The following MCF2L2 variants were observed in gnomAD, a reference collection of about 807,000 sequenced individuals.
MCF2L2 encodes the protein probable guanine nucleotide exchange factor MCF2L2.
In MCF2L2, 102 loss-of-function variants were observed where a neutral mutation model predicts 150.2. That is an observed-to-expected ratio of 0.68 (90% CI 0.58 to 0.80). The LOEUF is 0.80. MCF2L2 is among the 30% of genes least tolerant of loss of function. The pLI is 0.00. For missense variants in MCF2L2, 1,256 were observed against 1,372.8 expected, an observed-to-expected ratio of 0.91 and a Z score of 1.34; for synonymous variants, 465 against 491.3, an observed-to-expected ratio of 0.95 and a Z score of 0.71.
intron 20 of MCF2L2, among the ~76,000 whole-genome samples, chr3:183,221,559 G>C (rs1187155839): frequency 1.3e-5 from 2 of 152,098 alleles, no homozygotes; most frequent in Non-Finnish European, 2.9e-5. Flanking sequence ...CTATGTAAAT[G>C]TCACCTCTGT....
intron 22 of MCF2L2, among the ~76,000 whole-genome samples, chr3:183,214,198 C>T (rs1328234747): frequency 6.6e-6 from 1 of 152,156 alleles, no homozygotes; most frequent in Non-Finnish European, 1.5e-5. Context: ...ATGTCTAATA[C>T]GTAATTCAAG....
intron 10 of MCF2L2, among the ~76,000 whole-genome samples, chr3:183,304,462 A>ATTTT (rs36115279): frequency 0.014 from 1,592 of 113,978 alleles, 53 homozygotes; most frequent in African/African-American, 0.037. Context: ...CTGGGCAGTG[A>ATTTT]TTTTTTTTTT....
Position 183,228,026 on chromosome 3 carries a change from T to TACACACACACACAC in MCF2L2, c.2115+270_2115+271insGTGTGTGTGTGTGT, listed in dbSNP as rs144915150. ...TGTTTTTGGATTATATATATATACA[T>TACACACACACACAC]ATACACACACACACACACACAATGG... On this transcript the variant is annotated intron_variant, in intron 18 of 29. Transcript: ENST00000328913. 6.3e-3 allele frequency: 880 copies of TACACACACACACAC among 140,116 alleles called. 6 individuals carry two copies. The highest frequency in any genetic ancestry group is 0.014 in the South Asian group (93 of 6,618). 8.7% of individuals were successfully genotyped at this position (140,116 alleles called of 1,614,324 possible). A position where few individuals can be genotyped will look rare whatever the true frequency, so the allele number is the denominator to read the frequency against.
intron 2 of MCF2L2, among the ~76,000 whole-genome samples, chr3:183,382,747 C>T (rs1577109785): frequency 6.6e-6 from 1 of 152,246 alleles, no homozygotes; most frequent in African/African-American, 2.4e-5. Context: ...TGATTTTGTA[C>T]CTTTTCATTA....
intron 3 of MCF2L2, among the ~76,000 whole-genome samples, chr3:183,356,181 A>AC: frequency 6.6e-6 from 1 of 151,726 alleles, no homozygotes; most frequent in East Asian, 1.9e-4. Context: ...AAAAAAAAAA[A>AC]AAAACTCTGC....
intron 15 of MCF2L2, among the ~76,000 whole-genome samples, chr3:183,253,016 G>C (rs1424707842): frequency 6.6e-6 from 1 of 152,226 alleles, no homozygotes; most frequent in African/African-American, 2.4e-5. Context: ...GTGCACTCTG[G>C]CTTCCAGTTG....
At chr3:183,182,108 G>T (rs1210027870) in intron 27 of MCF2L2, among the ~76,000 whole-genome samples, 7 of 152,128 alleles carry the variant, frequency 4.6e-5, no homozygotes, top group Non-Finnish European at 7.4e-5. Context: ...GGACTCAACT[G>T]TTTCAGGGTC....
chr3:183,349,003 C>T (rs1731009132), intron 3 of MCF2L2, among the ~76,000 whole-genome samples: 1 of 152,162 alleles, frequency 6.6e-6, no homozygotes, highest in Non-Finnish European at 1.5e-5. Context: ...AAGAACACAA[C>T]ATCTAGCAAT....
intron 15 of MCF2L2, chr3:183,272,730 T>A (rs940237909): frequency 7.7e-6 from 8 of 1,037,038 alleles, no homozygotes; most frequent in African/African-American, 6.8e-5. Context: ...AACAAGCTTA[T>A]AATTAATTTT....
At chr3:183,226,192 T>C (rs143095765) in intron 18 of MCF2L2, 3 of 152,272 alleles carry the variant, frequency 2.0e-5, no homozygotes, top group African/African-American at 7.2e-5. Context: ...TATTTCAAAA[T>C]TCATTATCTT....
chr3:183,370,386 G>A (rs532122707), intron 3 of MCF2L2, among the ~76,000 whole-genome samples: 1 of 152,358 alleles, frequency 6.6e-6, no homozygotes, highest in Non-Finnish European at 1.5e-5. Flanking sequence ...CAAGGCCCAG[G>A]GTCTCTGGCT....
rs185504956 is a variant in MCF2L2, at chr3:183,197,465, C to T, written c.2885-2210G>A. On this transcript the variant is annotated intron_variant, in intron 25 of 29. Coordinates refer to ENST00000328913, the MANE Select transcript of MCF2L2 (RefSeq NM_015078.4). The surrounding 1 kb of genome is among the most constrained non-coding windows in gnomAD (Gnocchi z 4.5). ...TCAAAAACAGAAACAAACAAACAAA[C>T]AAACAAATACTCAAAATGGATCAGA... 9.5e-4 allele frequency among the ~76,000 whole-genome samples: 144 copies of T among 152,218 alleles called. No individual in the cohort carries two copies. Among genetic ancestry groups the T allele is most frequent in the Non-Finnish European group, 1.7e-3 (113 of 67,986 alleles).
intron 2 of MCF2L2, among the ~76,000 whole-genome samples, chr3:183,388,628 G>A (rs1191099684): frequency 2.0e-5 from 3 of 152,236 alleles, no homozygotes; most frequent in Non-Finnish European, 4.4e-5. Flanking sequence ...GAAGAAAAAG[G>A]AGGACCCTGT....
At chr3:183,409,835 C>T (rs1379423368) in intron 1 of MCF2L2, among the ~76,000 whole-genome samples, 2 of 152,110 alleles carry the variant, frequency 1.3e-5, no homozygotes, top group Non-Finnish European at 2.9e-5. Context: ...GGATTACAAG[C>T]GTGAGCCACT....
chr3:183,276,212 T>G (rs1727147561), intron 15 of MCF2L2, among the ~76,000 whole-genome samples: 1 of 152,224 alleles, frequency 6.6e-6, no homozygotes, highest in Non-Finnish European at 1.5e-5. Context: ...TAGTTAATAT[T>G]ATGTTTAATC....
intron 13 of MCF2L2, among the ~76,000 whole-genome samples, chr3:183,290,620 GC>G: frequency 6.6e-6 from 1 of 151,738 alleles, no homozygotes; most frequent in South Asian, 2.1e-4. Flanking sequence ...TGCAACCTCC[GC>G]CTCCCAGGTT....
At chr3:183,207,561 TC>T (rs572054118) in intron 23 of MCF2L2, 46 bp downstream of exon 23, 4 of 1,428,362 alleles carry the variant, frequency 2.8e-6, no homozygotes, top group Non-Finnish European at 3.9e-6. Context: ...ACGATCTCTC[TC>T]TTTTCTGCAT....
intron 7 of MCF2L2, among the ~76,000 whole-genome samples, chr3:183,314,006 GC>G (rs1411076278): frequency 2.0e-5 from 3 of 152,206 alleles, no homozygotes; most frequent in Non-Finnish European, 4.4e-5. Context: ...GGAATGACGG[GC>G]AGCTGAGTCC....
At chr3:183,423,632 G>GTTTTTTTT (rs34400256) in intron 1 of MCF2L2, among the ~76,000 whole-genome samples, 11 of 92,054 alleles carry the variant, frequency 1.2e-4, no homozygotes, top group South Asian at 4.2e-4. Flanking sequence ...AATTTTATTT[G>GTTTTTTTT]TTTTTTTTTT....
Sources: allele counts gnomAD v4.1 joint callset (sites outside exome capture counted in the v4.1 genomes callset), GRCh38; gene constraint gnomAD v4.1.1; non-coding constraint Gnocchi (gnomAD v3.1); transcripts MANE v1.5; gene names NCBI Gene and HGNC (gene_info 2026-07-23, HGNC 2026-07-21).